Variants in COL14A1 observed in about 807,000 individuals in gnomAD.
COL14A1 encodes collagen type XIV alpha 1 chain.
In COL14A1, 136 loss-of-function variants were observed where a neutral mutation model predicts 230.3. That is an observed-to-expected ratio of 0.59 (90% CI 0.51 to 0.68). COL14A1 has a LOEUF of 0.68. COL14A1 is among the 30% of genes least tolerant of loss of function. COL14A1 has a pLI of 0.00. For missense variants in COL14A1, 1,976 were observed against 2,215.8 expected (o/e 0.89, Z 2.17); for synonymous variants, 792 against 784.1 (o/e 1.01, Z -0.17).
chr8:120,167,293 G>A (rs1041187383), intron 4 of COL14A1, among the ~76,000 whole-genome samples: 15 of 152,124 alleles, frequency 9.9e-5, no homozygotes, highest in Admixed American at 8.5e-4. Flanking sequence ...TGGTTCAGAG[G>A]AAATCATTGT....
intron 20 of COL14A1, among the ~76,000 whole-genome samples, chr8:120,244,766 C>G (rs1818712355): frequency 6.6e-6 from 1 of 152,176 alleles, no homozygotes; most frequent in South Asian, 2.1e-4. Context: ...AGTGTACTAG[C>G]CTCCTGTCAG....
At chr8:120,138,099 T>C (rs1156930324) in intron 1 of COL14A1, among the ~76,000 whole-genome samples, 3 of 152,138 alleles carry the variant, frequency 2.0e-5, no homozygotes, top group Non-Finnish European at 2.9e-5. Flanking sequence ...AACTACTTGA[T>C]AGAGTTGTTC....
At chr8:120,185,428 C>T (rs1276587317) in intron 5 of COL14A1, among the ~76,000 whole-genome samples, 2 of 152,108 alleles carry the variant, frequency 1.3e-5, no homozygotes, top group Non-Finnish European at 2.9e-5. Context: ...GCCAGGGTTG[C>T]AGGATCGCTT....
chr8:120,256,287 A>C (rs1807236884), intron 23 of COL14A1, among the ~76,000 whole-genome samples: 1 of 152,198 alleles, frequency 6.6e-6, no homozygotes, highest in African/African-American at 2.4e-5. Context: ...AGTCCAGATA[A>C]GACTGGGTTT....
intron 40 of COL14A1, among the ~76,000 whole-genome samples, chr8:120,316,747 G>A (rs914236017): frequency 3.9e-5 from 6 of 152,006 alleles, no homozygotes; most frequent in African/African-American, 1.5e-4. Flanking sequence ...AGTCAGCCAG[G>A]TGAACAAGGA....
At chr8:120,297,187 A>C (rs967472666) in intron 34 of COL14A1, among the ~76,000 whole-genome samples, 4 of 151,906 alleles carry the variant, frequency 2.6e-5, no homozygotes, top group African/African-American at 9.7e-5. Flanking sequence ...GTGACTACAG[A>C]GTCATTTGGG....
chr8:120,176,125 T>C (rs892130260), intron 5 of COL14A1, among the ~76,000 whole-genome samples: 1 of 152,240 alleles, frequency 6.6e-6, no homozygotes, highest in African/African-American at 2.4e-5. Flanking sequence ...TATTTGCTGT[T>C]AATAATAGCA....
At chr8:120,179,529 G>A (rs776128151) in intron 5 of COL14A1, among the ~76,000 whole-genome samples, 1 of 152,106 alleles carries the variant, frequency 6.6e-6, no homozygotes, top group Non-Finnish European at 1.5e-5. Context: ...ACCGCTCAAG[G>A]AAATAAGAGA....
chr8:120,361,319 G>A (rs1468125200), intron 45 of COL14A1, among the ~76,000 whole-genome samples: 1 of 152,088 alleles, frequency 6.6e-6, no homozygotes, highest in Non-Finnish European at 1.5e-5. Flanking sequence ...GGGACCTTTG[G>A]CAATCATTTG....
At chr8:120,343,262 G>A (rs1246273033) in intron 44 of COL14A1, among the ~76,000 whole-genome samples, 1 of 152,190 alleles carries the variant, frequency 6.6e-6, no homozygotes, top group Non-Finnish European at 1.5e-5. Context: ...GCCAAGCAGA[G>A]GTGAACTATC....
At chr8:120,136,543 CATT>C (rs1433739350) in intron 1 of COL14A1, among the ~76,000 whole-genome samples, 1 of 151,964 alleles carries the variant, frequency 6.6e-6, no homozygotes, top group East Asian at 1.9e-4. Context: ...ACTTGGTCAT[CATT>C]ATTATTATTT....
chr8:120,320,096 A>G lies in COL14A1; in HGVS notation c.4659+4099A>G, dbSNP rs537473650. On this transcript the variant is annotated intron_variant, in intron 40 of 47. Transcript: ENST00000297848. ...CATCAGGGTGGTCCTCAGGAAAACT[A>G]GGAAGAACAGGCAAGACATGGATTA... 2.0e-5 allele frequency among the ~76,000 whole-genome samples: 3 copies of G among 152,274 alleles called. No individual in the cohort carries two copies. The South Asian group carries it at 6.2e-4, about 32-fold the overall frequency.
At chr8:120,317,419 C>G (rs1821272282) in intron 40 of COL14A1, among the ~76,000 whole-genome samples, 1 of 151,778 alleles carries the variant, frequency 6.6e-6, no homozygotes, top group African/African-American at 2.4e-5. Context: ...TGGAATTAGT[C>G]AGTCCGTGAA....
At chr8:120,135,216 T>C (rs911864804) in intron 1 of COL14A1, among the ~76,000 whole-genome samples, 1 of 152,192 alleles carries the variant, frequency 6.6e-6, no homozygotes, top group Non-Finnish European at 1.5e-5. Flanking sequence ...TGGTGGTATA[T>C]AAACTGGCAT....
At chr8:120,149,423 G>A (rs1563636352) in intron 2 of COL14A1, among the ~76,000 whole-genome samples, 1 of 152,148 alleles carries the variant, frequency 6.6e-6, no homozygotes. Context: ...TTCTGCTTAT[G>A]TTATTTATGT....
intron 40 of COL14A1, among the ~76,000 whole-genome samples, chr8:120,319,499 A>G (rs1210274368): frequency 2.6e-5 from 4 of 152,128 alleles, no homozygotes; most frequent in Non-Finnish European, 5.9e-5. Context: ...TCTTATTGAC[A>G]GCCACAAACT....
chr8:120,252,378 T>G (rs879340082), intron 22 of COL14A1, among the ~76,000 whole-genome samples: 3 of 152,170 alleles, frequency 2.0e-5, no homozygotes, highest in Non-Finnish European at 4.4e-5. Flanking sequence ...AAGTCCATTA[T>G]ATCACTCAAA....
intron 5 of COL14A1, among the ~76,000 whole-genome samples, chr8:120,195,744 G>A (rs1434612185): frequency 6.6e-6 from 1 of 152,136 alleles, no homozygotes; most frequent in Non-Finnish European, 1.5e-5. Flanking sequence ...TCAGAGAACA[G>A]CATGGGAAAT....
intron 13 of COL14A1, among the ~76,000 whole-genome samples, chr8:120,213,308 C>G (rs941827067): frequency 6.6e-6 from 1 of 152,056 alleles, no homozygotes; most frequent in Non-Finnish European, 1.5e-5. Context: ...TGGCTCTATT[C>G]GTGATCTTTT....
Sources: allele counts gnomAD v4.1 joint callset (sites outside exome capture counted in the v4.1 genomes callset), GRCh38; gene constraint gnomAD v4.1.1; transcripts MANE v1.5; gene names NCBI Gene and HGNC (gene_info 2026-07-23, HGNC 2026-07-21).